The following FBXL17 variants were observed in gnomAD, a reference collection of about 807,000 sequenced individuals.
FBXL17 encodes the protein F-box and leucine rich repeat protein 17.
FBXL17 carries 22 observed loss-of-function variants against 66.2 expected under a neutral mutation model. The observed-to-expected ratio is 0.33, with a 90% CI of 0.24 to 0.47. The LOEUF is 0.47. FBXL17 is among the 20% of genes least tolerant of loss of function. FBXL17 has a pLI of 1.00. For synonymous variants in FBXL17, 474 were observed against 400.5 expected (o/e 1.18, Z -2.19); for missense variants, 878 against 948.2 (o/e 0.93, Z 0.97).
In FBXL17 at chr5:108,262,078, A is replaced by ATTTTTT. The variant is rs1479354239; in HGVS notation, c.1507-37851_1507-37850insAAAAAA. On this transcript the variant is annotated intron_variant, in intron 4 of 8. Coordinates refer to ENST00000542267, the MANE Select transcript of FBXL17 (RefSeq NM_001163315.3). Reference sequence around the variant, plus strand: ...ATTTTATTTATTTATTTATTTATTTATTTATTTATTTTTTTTGAGACAGAG... The same window carrying ATTTTTT: ...ATTTTATTTATTTATTTATTTATTTATTTTTTTTTATTTATTTTTTTTGAGACAGAG... Among the ~76,000 whole-genome samples the ATTTTTT allele has an allele frequency of 4.5e-5, 5 of 111,662 alleles. 1 individual carries two copies. Among genetic ancestry groups the ATTTTTT allele is most frequent in the Admixed American group, 9.1e-5 (1 of 10,958 alleles). The allele number at this position is 111,662 out of a possible 152,430, so 73.3% of individuals were successfully genotyped here.
At chr5:107,997,079 C>T (rs1753502937) in intron 7 of FBXL17, among the ~76,000 whole-genome samples, 1 of 152,170 alleles carries the variant, frequency 6.6e-6, no homozygotes, top group African/African-American at 2.4e-5. Context: ...CCACTGAAAA[C>T]TTACAGCATG....
chr5:108,051,001 T>C, intron 6 of FBXL17, among the ~76,000 whole-genome samples: 1 of 152,162 alleles, frequency 6.6e-6, no homozygotes, highest in Admixed American at 6.5e-5. Flanking sequence ...AATGCATAAA[T>C]TCTTGGACAG....
chr5:108,311,745 A>G (rs1205719653), intron 4 of FBXL17, among the ~76,000 whole-genome samples: 2 of 152,174 alleles, frequency 1.3e-5, no homozygotes, highest in Non-Finnish European at 2.9e-5. Context: ...AAAAACATTA[A>G]CATTGTTTTG....
At chr5:108,359,104 T>C (rs1748185252) in intron 3 of FBXL17, among the ~76,000 whole-genome samples, 3 of 152,270 alleles carry the variant, frequency 2.0e-5, no homozygotes, top group African/African-American at 7.2e-5. Flanking sequence ...TGGTATGCAG[T>C]TATTCATGGT....
In FBXL17 at chr5:108,364,972, T is replaced by A. The variant is rs774309375; in HGVS notation, c.1140A>T (p.Lys380Asn). ...TTATATTCTGACTTCTTGATGCAAT[T>A]TTTTCCAACAATTCATCAGTGACCT... ...RQQVTDELLE[K>N]IASRSQNIIE... The change falls in exon 3 of 9, where the codon AAA becomes AAT. Residue 380 changes from lysine to asparagine, a missense_variant. Around this residue, in one of 4 missense-constraint regions of FBXL17, gnomAD observed 236 missense variants for 389.1 expected, o/e 0.61. Coordinates refer to ENST00000542267, the MANE Select transcript of FBXL17 (RefSeq NM_001163315.3). 9.9e-6 allele frequency: 16 copies of A among 1,610,246 alleles called. 1 individual carries two copies. In the South Asian group the frequency reaches 1.8e-4, roughly 18 times the overall value.
chr5:107,930,261 C>A (rs981484638), intron 7 of FBXL17, among the ~76,000 whole-genome samples: 1 of 152,146 alleles, frequency 6.6e-6, no homozygotes, highest in Non-Finnish European at 1.5e-5. Context: ...GTTTCTGGGG[C>A]TGTGTTCATC....
intron 6 of FBXL17, among the ~76,000 whole-genome samples, chr5:108,042,448 C>T (rs769503401): frequency 1.3e-5 from 2 of 152,094 alleles, no homozygotes; most frequent in Non-Finnish European, 2.9e-5. Flanking sequence ...CCCCTGGTAA[C>T]CTCTAATCTG....
In FBXL17 at chr5:108,382,011, C is replaced by T. The variant is rs117542961; in HGVS notation, c.-320G>A. 0.018 allele frequency: 19,923 copies of T among 1,135,748 alleles called. 2,402 individuals are homozygous for T. The East Asian group carries it at 0.38, about 21-fold the overall frequency. 70.4% of individuals were successfully genotyped at this position (1,135,748 alleles called of 1,614,324 possible). A position where few individuals can be genotyped will look rare whatever the true frequency, so the allele number is the denominator to read the frequency against. On this transcript the variant is annotated 5_prime_UTR_variant, in exon 1 of 9. Transcript: ENST00000542267. ...TCCGGGCCCGGCCAGCCGGCTCAGT[C>T]AGTCAGCGGAGCGGCCGGGGAAAGG...
chr5:108,205,083 A>T (rs938172562), intron 5 of FBXL17, among the ~76,000 whole-genome samples: 73 of 149,682 alleles, frequency 4.9e-4, no homozygotes, highest in African/African-American at 1.7e-3. Flanking sequence ...CTAATTTCTA[A>T]TTTTTTTTTT....
chr5:108,005,249 AT>A (rs1370076132), intron 7 of FBXL17, among the ~76,000 whole-genome samples: 2 of 152,098 alleles, frequency 1.3e-5, no homozygotes, highest in African/African-American at 4.8e-5. Flanking sequence ...TCCTGTGGCT[AT>A]GTCTGGACGA....
rs1018845352 is a variant in FBXL17 at position 108,323,265 on chromosome 5, TA to T, written c.1506+25133del. Reference sequence around the variant, plus strand: ...AAATGACTTCAGCAAAGTTGTAGAATAAAAAAAAAACATAAAAAATCAGGTG... The same window carrying T: ...AAATGACTTCAGCAAAGTTGTAGAATAAAAAAAAACATAAAAAATCAGGTG... On this transcript the variant is annotated intron_variant, in intron 4 of 8. Transcript: ENST00000542267. Among the ~76,000 whole-genome samples the T allele has an allele frequency of 8.1e-4, 118 of 145,548 alleles. 1 individual carries two copies. The highest frequency in any genetic ancestry group is 3.8e-3 in the Admixed American group (55 of 14,582).
intron 7 of FBXL17, among the ~76,000 whole-genome samples, chr5:107,925,013 A>G (rs965653856): frequency 3.9e-5 from 6 of 152,196 alleles, no homozygotes; most frequent in African/African-American, 1.2e-4. Context: ...TTCCTGGAAA[A>G]TTGATGTAAA....
chr5:108,226,789 G>T (rs1439740196), intron 4 of FBXL17, among the ~76,000 whole-genome samples: 1 of 152,154 alleles, frequency 6.6e-6, no homozygotes, highest in Non-Finnish European at 1.5e-5. Flanking sequence ...CTCTCTGCCT[G>T]ACTATCTTCC....
intron 4 of FBXL17, among the ~76,000 whole-genome samples, chr5:108,337,893 A>G (rs1490631396): frequency 1.3e-5 from 2 of 152,084 alleles, no homozygotes; most frequent in Non-Finnish European, 2.9e-5. Flanking sequence ...AGGAATATAT[A>G]CAATGTATCT....
chr5:108,212,664 C>T (rs34111132), intron 5 of FBXL17, among the ~76,000 whole-genome samples: 22,316 of 152,184 alleles, frequency 0.15, 1,976 homozygotes, highest in South Asian at 0.23. Flanking sequence ...GCAAAGATTG[C>T]CGCCTGATCT....
intron 4 of FBXL17, among the ~76,000 whole-genome samples, chr5:108,262,090 T>TTTATTTA (rs1561494084): frequency 4.0e-5 from 6 of 149,528 alleles, no homozygotes; most frequent in African/African-American, 1.5e-4. Flanking sequence ...TTATTTATTT[T>TTTATTTA]TTTTGAGACA....
chr5:107,902,391 A>T (rs1174764610), intron 7 of FBXL17, among the ~76,000 whole-genome samples: 1 of 152,224 alleles, frequency 6.6e-6, no homozygotes, highest in African/African-American at 2.4e-5. Context: ...CCAATACATC[A>T]TCACAGCAGG....
intron 7 of FBXL17, among the ~76,000 whole-genome samples, chr5:107,949,934 T>C (rs1751443014): frequency 2.0e-5 from 3 of 152,166 alleles, no homozygotes; most frequent in Non-Finnish European, 1.5e-5. Context: ...CTAAACCAGA[T>C]GATTTGTGAA....
intron 7 of FBXL17, among the ~76,000 whole-genome samples, chr5:107,931,878 T>G (rs1166096283): frequency 1.3e-5 from 2 of 152,234 alleles, no homozygotes; most frequent in African/African-American, 4.8e-5. Flanking sequence ...TCTTTTCATG[T>G]CTGTCTTCTT....
Sources: gnomAD v4.1 joint callset for allele counts (sites outside exome capture counted in the v4.1 genomes callset) on GRCh38, gnomAD v4.1.1 for gene constraint, gnomAD v4.1.1 regional missense constraint, MANE v1.5 for transcripts, NCBI Gene and HGNC (gene_info 2026-07-23, HGNC 2026-07-21) for gene names.